The following ANK3 variants were observed in gnomAD, a reference collection of about 807,000 sequenced individuals.
ANK3 encodes ankyrin-3.
Under a neutral mutation model 370.9 loss-of-function variants are expected in ANK3, and 57 were observed. The ratio of observed to expected loss-of-function variants is 0.15; its 90% CI spans 0.12 to 0.19. The LOEUF (loss-of-function observed/expected upper bound fraction) is 0.19, where lower values mean the gene tolerates loss of function less well. Ranked by LOEUF, ANK3 falls within the 10% of genes least tolerant of loss-of-function variation. The pLI, the probability that ANK3 is intolerant of heterozygous loss-of-function variation, is 1.00. For missense variants in ANK3, 4,439 were observed against 5,302.1 expected (o/e 0.84, Z 5.06); for synonymous variants, 1,929 against 1,946.3 (o/e 0.99, Z 0.23).
At chr10:60,387,555 A>C (rs2062564300) in intron 1 of ANK3, among the ~76,000 whole-genome samples, 1 of 152,236 alleles carries the variant, frequency 6.6e-6, no homozygotes, top group East Asian at 1.9e-4. Flanking sequence ...GTACAACAGC[A>C]ATGAAAGTGT....
intron 2 of ANK3, among the ~76,000 whole-genome samples, chr10:60,586,290 A>G (rs997696350): frequency 6.6e-6 from 1 of 152,168 alleles, no homozygotes; most frequent in Non-Finnish European, 1.5e-5. Context: ...TTGTTCTCAG[A>G]GGGTAGAATT....
chr10:60,625,237 A>G (rs796993493), intron 1 of ANK3, among the ~76,000 whole-genome samples: 9 of 152,218 alleles, frequency 5.9e-5, no homozygotes, highest in African/African-American at 2.2e-4. Flanking sequence ...GGACGTGCAG[A>G]GCAGTGGGGA....
At chr10:60,396,386 C>G (rs1390225459) in intron 2 of ANK3, among the ~76,000 whole-genome samples, 1 of 152,080 alleles carries the variant, frequency 6.6e-6, no homozygotes, top group African/African-American at 2.4e-5. Context: ...CCCTCTAAAC[C>G]AAGAAATTCA....
At chr10:60,441,123 C>T (rs1259482322) in intron 2 of ANK3, among the ~76,000 whole-genome samples, 2 of 152,010 alleles carry the variant, frequency 1.3e-5, no homozygotes, top group Non-Finnish European at 2.9e-5. Context: ...AAATATTAAC[C>T]GTTGCCAGTC....
At chr10:60,211,780 A>G (rs994886862) in intron 9 of ANK3, among the ~76,000 whole-genome samples, 1 of 150,722 alleles carries the variant, frequency 6.6e-6, no homozygotes. Flanking sequence ...CCTCTTAACC[A>G]CTGCCACCTG....
At chr10:60,040,162 A>G (rs953028656) in intron 43 of ANK3, among the ~76,000 whole-genome samples, 1 of 152,236 alleles carries the variant, frequency 6.6e-6, no homozygotes, top group African/African-American at 2.4e-5. Flanking sequence ...ATGACTCAAT[A>G]TTAAAGAAAA....
chr10:60,246,286 A>AAG (rs2097553761), intron 7 of ANK3, among the ~76,000 whole-genome samples: 11 of 123,454 alleles, frequency 8.9e-5, no homozygotes, highest in Non-Finnish European at 1.6e-4. Flanking sequence ...AAAAAAGAAA[A>AAG]AAGAAAAAAA....
intron 42 of ANK3, among the ~76,000 whole-genome samples, chr10:60,047,945 GTTGAC>G (rs2077224549): frequency 6.6e-6 from 1 of 152,140 alleles, no homozygotes; most frequent in Admixed American, 6.5e-5. Context: ...GGGAGATTTT[GTTGAC>G]TTGACTCATT....
chr10:60,210,605 T>G (rs541747184), intron 9 of ANK3, among the ~76,000 whole-genome samples: 1 of 152,274 alleles, frequency 6.6e-6, no homozygotes, highest in South Asian at 2.1e-4. Context: ...GCAGGTGTAA[T>G]AGATATATGT....
At chr10:60,147,397 T>C (rs2094882526) in intron 23 of ANK3, among the ~76,000 whole-genome samples, 1 of 152,118 alleles carries the variant, frequency 6.6e-6, no homozygotes, top group South Asian at 2.1e-4. Flanking sequence ...ATTTATGGGG[T>C]GGGAGAGAGG....
At chr10:60,395,428 C>T (rs904123899) in intron 2 of ANK3, among the ~76,000 whole-genome samples, 4 of 152,134 alleles carry the variant, frequency 2.6e-5, no homozygotes, top group African/African-American at 7.2e-5. Flanking sequence ...CGACAGCACT[C>T]GTCTACATAA....
At chr10:60,135,670 G>GT (rs1461236528) in intron 24 of ANK3, among the ~76,000 whole-genome samples, 2 of 152,206 alleles carry the variant, frequency 1.3e-5, no homozygotes, top group Admixed American at 1.3e-4. Flanking sequence ...CTTGCCTTTT[G>GT]TGTGCTTGAT....
chr10:60,482,642 A>G (rs1215568192), intron 2 of ANK3, among the ~76,000 whole-genome samples: 1 of 152,074 alleles, frequency 6.6e-6, no homozygotes, highest in Non-Finnish European at 1.5e-5. Context: ...GCATGCCACC[A>G]TGTCTGGCTA....
At chr10:60,401,261 A>G (rs2063347234) in intron 2 of ANK3, among the ~76,000 whole-genome samples, 1 of 152,188 alleles carries the variant, frequency 6.6e-6, no homozygotes, top group African/African-American at 2.4e-5. Context: ...CAATGGGCAT[A>G]AAATTTTGGT....
chr10:60,058,069 T>C (rs2079562767), intron 41 of ANK3, among the ~76,000 whole-genome samples: 1 of 152,228 alleles, frequency 6.6e-6, no homozygotes, highest in Non-Finnish European at 1.5e-5. Context: ...TAGTCTAATG[T>C]GTATGTAAAT....
intron 2 of ANK3, among the ~76,000 whole-genome samples, chr10:60,461,796 T>C (rs187137744): frequency 1.7e-4 from 26 of 152,304 alleles, no homozygotes; most frequent in African/African-American, 6.0e-4. Flanking sequence ...TTCACACATT[T>C]CACCCCTGAC....
intron 23 of ANK3, among the ~76,000 whole-genome samples, chr10:60,149,031 G>A (rs868555639): frequency 2.0e-5 from 3 of 152,190 alleles, no homozygotes; most frequent in Admixed American, 6.5e-5. Context: ...TACCAGGCTC[G>A]TGTATAAACA....
chr10:60,141,404 A>G (rs1283997949), intron 23 of ANK3, among the ~76,000 whole-genome samples: 1 of 151,896 alleles, frequency 6.6e-6, no homozygotes, highest in Non-Finnish European at 1.5e-5. Flanking sequence ...GGCAGGACTG[A>G]GGTCTGTCAC....
intron 35 of ANK3, chr10:60,081,452 G>T (rs954834456): frequency 1.7e-5 from 7 of 418,924 alleles, no homozygotes; most frequent in African/African-American, 1.5e-4. Context: ...CTATTGATGT[G>T]TGGGATTCAA....
Sources: allele counts gnomAD v4.1 joint callset (sites outside exome capture counted in the v4.1 genomes callset), GRCh38; gene constraint gnomAD v4.1.1; transcripts MANE v1.5; gene names NCBI Gene and HGNC (gene_info 2026-07-23, HGNC 2026-07-21).